Variants in LINGO2 observed in about 807,000 individuals in gnomAD.
The protein encoded by LINGO2 is leucine-rich repeat and immunoglobulin-like domain-containing nogo receptor-interacting protein 2.
A neutral mutation model predicts 30.6 loss-of-function variants in LINGO2; 14 were observed. The observed-to-expected ratio is 0.46, with a 90% CI of 0.30 to 0.72. The LOEUF is 0.72. LINGO2 is among the 30% of genes least tolerant of loss of function. The pLI is 0.07. For synonymous variants in LINGO2, 317 were observed against 288.5 expected (o/e 1.10, Z -1.00); for missense variants, 729 against 751.7 (o/e 0.97, Z 0.35).
At chr9:28,655,100 A>C (rs1037362544) in intron 1 of LINGO2, among the ~76,000 whole-genome samples, 1 of 152,042 alleles carries the variant, frequency 6.6e-6, no homozygotes, top group African/African-American at 2.4e-5. Context: ...CTCATCCTGA[A>C]GGTGATTTCC....
At chr9:28,219,087 C>G (rs967860721) in intron 4 of LINGO2, among the ~76,000 whole-genome samples, 8 of 152,136 alleles carry the variant, frequency 5.3e-5, no homozygotes, top group Admixed American at 3.3e-4. Context: ...GCCGGATTAG[C>G]TTTTGCAGAA....
the LINGO2 span, among the ~76,000 whole-genome samples, chr9:28,834,200 CAG>C: frequency 6.6e-6 from 1 of 152,102 alleles, no homozygotes; most frequent in Non-Finnish European, 1.5e-5. Context: ...TGCTTGGAAT[CAG>C]AGACTACACT....
chr9:28,045,972 C>T (rs1341685484), intron 4 of LINGO2, among the ~76,000 whole-genome samples: 1 of 152,138 alleles, frequency 6.6e-6, no homozygotes, highest in Non-Finnish European at 1.5e-5. Flanking sequence ...TCTTCATTTC[C>T]TCATGTGTCC....
chr9:29,051,005 A>G, the LINGO2 span, among the ~76,000 whole-genome samples: 1 of 152,222 alleles, frequency 6.6e-6, no homozygotes, highest in East Asian at 1.9e-4. Context: ...TAAAATATAC[A>G]TTTTTAGGCT....
intron 4 of LINGO2, among the ~76,000 whole-genome samples, chr9:28,172,899 A>G (rs1564017601): frequency 6.6e-6 from 1 of 152,178 alleles, no homozygotes; most frequent in South Asian, 2.1e-4. Context: ...CACAACTCTT[A>G]TCTTTTCATC....
chr9:28,963,902 G>T, the LINGO2 span, among the ~76,000 whole-genome samples: 1 of 151,812 alleles, frequency 6.6e-6, no homozygotes, highest in South Asian at 2.1e-4. Flanking sequence ...TATTGTATAT[G>T]TCAAAATAGC....
intron 1 of LINGO2, among the ~76,000 whole-genome samples, chr9:28,669,847 C>T (rs1011660976): frequency 4.0e-5 from 6 of 151,810 alleles, no homozygotes; most frequent in Admixed American, 2.6e-4. Flanking sequence ...CTTCAGTCAC[C>T]GCACTTTCAA....
chr9:28,512,542 A>G lies in LINGO2; in HGVS notation c.-364-36517T>C, dbSNP rs542890975. On this transcript the variant is annotated intron_variant, in intron 1 of 5. Transcript: ENST00000379992. ...TCTGGATTCCACTTCTGGAACCAAA[A>G]TCTGTATTAGGGTTCTCTAGAGGGA... Among the ~76,000 whole-genome samples the G allele has an allele frequency of 4.8e-5, 7 of 145,360 alleles. No individual in the cohort carries two copies. The East Asian group carries it at 1.4e-3, about 30-fold the overall frequency.
intron 4 of LINGO2, among the ~76,000 whole-genome samples, chr9:28,056,494 C>G (rs1015651338): frequency 1.3e-5 from 2 of 151,876 alleles, no homozygotes; most frequent in African/African-American, 2.4e-5. Flanking sequence ...TCATGTGGTT[C>G]TTCTCATCTA....
the LINGO2 span, among the ~76,000 whole-genome samples, chr9:29,175,812 A>G: frequency 2.6e-5 from 4 of 152,172 alleles, no homozygotes; most frequent in African/African-American, 9.7e-5. Flanking sequence ...TAAAAAGCGT[A>G]TATGAGGACT....
chr9:28,515,635 C>T (rs1777792014), intron 1 of LINGO2, among the ~76,000 whole-genome samples: 2 of 152,150 alleles, frequency 1.3e-5, no homozygotes, highest in Non-Finnish European at 2.9e-5. Context: ...TTGATGCTAT[C>T]TCATGATAAA....
Position 28,641,795 on chromosome 9 carries a change from T to C in LINGO2, c.-365+28405A>G, listed in dbSNP as rs148007699. On this transcript the variant is annotated intron_variant, in intron 1 of 5. Transcript: ENST00000379992. ...GAAACTATGCATAAGGAGTCAGTCA[T>C]TGGCAGTGGAGAGAAGGAAAGCAAG... 2.1e-3 allele frequency among the ~76,000 whole-genome samples: 320 copies of C among 152,234 alleles called. 2 individuals carry two copies. The highest frequency in any genetic ancestry group is 7.2e-3 in the African/African-American group (300 of 41,536).
intron 4 of LINGO2, among the ~76,000 whole-genome samples, chr9:28,190,510 C>A (rs977006871): frequency 2.0e-5 from 3 of 152,022 alleles, no homozygotes; most frequent in African/African-American, 7.3e-5. Flanking sequence ...GAGATTCGTG[C>A]CCTTATAAAA....
At chr9:28,486,554 T>G (rs947633177) in intron 1 of LINGO2, among the ~76,000 whole-genome samples, 1 of 152,190 alleles carries the variant, frequency 6.6e-6, no homozygotes, top group Non-Finnish European at 1.5e-5. Context: ...CATATGCACA[T>G]GTGTGTGCAT....
the LINGO2 span, among the ~76,000 whole-genome samples, chr9:28,974,267 G>A: frequency 0.65 from 98,255 of 151,312 alleles, 32,471 homozygotes; most frequent in Non-Finnish European, 0.72. Context: ...GTAGCTGGGC[G>A]TGGTGGCGGG....
chr9:28,701,872 A>C, the LINGO2 span, among the ~76,000 whole-genome samples: 2 of 151,904 alleles, frequency 1.3e-5, no homozygotes, highest in East Asian at 3.9e-4. Context: ...TATAAACCTA[A>C]ATATTTCATT....
At chr9:28,999,984 C>A in the LINGO2 span, among the ~76,000 whole-genome samples, 39 of 152,086 alleles carry the variant, frequency 2.6e-4, no homozygotes, top group African/African-American at 9.1e-4. Flanking sequence ...TCTCAAAATT[C>A]TTCCCTAACT....
At chr9:28,213,151 C>T (rs967650355) in intron 4 of LINGO2, among the ~76,000 whole-genome samples, 4 of 151,488 alleles carry the variant, frequency 2.6e-5, no homozygotes, top group African/African-American at 4.8e-5. Context: ...TCAACAGATT[C>T]TACTCTTGGA....
At chr9:28,803,131 T>C in the LINGO2 span, among the ~76,000 whole-genome samples, 2 of 152,096 alleles carry the variant, frequency 1.3e-5, no homozygotes, top group Non-Finnish European at 2.9e-5. Flanking sequence ...GTTATGGGGC[T>C]ATGCAGACTG....
Sources: gnomAD v4.1 joint callset for allele counts (sites outside exome capture counted in the v4.1 genomes callset) on GRCh38, gnomAD v4.1.1 for gene constraint, MANE v1.5 for transcripts, NCBI Gene and HGNC (gene_info 2026-07-23, HGNC 2026-07-21) for gene names.